The following TMC1 variants were observed in gnomAD, a reference collection of about 807,000 sequenced individuals.
The protein encoded by TMC1 is transmembrane channel like 1, also known as transmembrane channel-like protein 1.
In TMC1, 84 loss-of-function variants were observed where a neutral mutation model predicts 105.8. The observed-to-expected ratio is 0.79, with a 90% CI of 0.67 to 0.95. The LOEUF (loss-of-function observed/expected upper bound fraction) is 0.95, where lower values mean the gene tolerates loss of function less well. TMC1 is among the 40% of genes least tolerant of loss of function. The pLI is 0.00. For missense variants in TMC1, 817 were observed against 914.1 expected, an observed-to-expected ratio of 0.89 and a Z score of 1.37; for synonymous variants, 315 against 311.5, an observed-to-expected ratio of 1.01 and a Z score of -0.12.
At chr9:72,658,349 C>T (rs887956833) in intron 5 of TMC1, among the ~76,000 whole-genome samples, 7 of 149,146 alleles carry the variant, frequency 4.7e-5, no homozygotes, top group Non-Finnish European at 1.0e-4. Flanking sequence ...AAAAAAAAAA[C>T]TATGGTTGTT....
chr9:72,752,197 A>G (rs1827590921), intron 11 of TMC1, among the ~76,000 whole-genome samples: 1 of 152,132 alleles, frequency 6.6e-6, no homozygotes, highest in Non-Finnish European at 1.5e-5. Context: ...TGTATGTTTA[A>G]ATGTGTATTT....
intron 8 of TMC1, among the ~76,000 whole-genome samples, chr9:72,714,955 G>A (rs1221396220): frequency 6.6e-6 from 1 of 152,132 alleles, no homozygotes; most frequent in East Asian, 1.9e-4. Flanking sequence ...TGTAAGGCAG[G>A]CCTGGTGGTG....
chr9:72,623,799 T>C (rs1825297664), intron 3 of TMC1, among the ~76,000 whole-genome samples: 1 of 152,136 alleles, frequency 6.6e-6, no homozygotes, highest in African/African-American at 2.4e-5. Context: ...TTTAGGTGTT[T>C]CTAGGGTATA....
At chr9:72,568,086 T>A (rs969595225) in intron 1 of TMC1, among the ~76,000 whole-genome samples, 2 of 151,314 alleles carry the variant, frequency 1.3e-5, no homozygotes, top group Non-Finnish European at 2.9e-5. Context: ...TTTTTTTTTT[T>A]AGGATTTCTG....
chr9:72,814,080 G>C (rs2118276202), intron 18 of TMC1, among the ~76,000 whole-genome samples: 1 of 152,318 alleles, frequency 6.6e-6, no homozygotes, highest in African/African-American at 2.4e-5. Flanking sequence ...TTGTGAGAGA[G>C]TGAAGAAAAC....
chr9:72,566,397 C>T (rs1486941581), intron 1 of TMC1, among the ~76,000 whole-genome samples: 3 of 151,580 alleles, frequency 2.0e-5, no homozygotes, highest in Non-Finnish European at 4.4e-5. Context: ...GCTATCCCTG[C>T]CTTTTCAATA....
At chr9:72,612,756 G>A (rs1474430493) in intron 2 of TMC1, among the ~76,000 whole-genome samples, 1 of 152,128 alleles carries the variant, frequency 6.6e-6, no homozygotes, top group African/African-American at 2.4e-5. Context: ...GGATAATTTA[G>A]CTCCCTAAGG....
chr9:72,770,414 G>A (rs1429471916), intron 12 of TMC1, among the ~76,000 whole-genome samples: 1 of 131,460 alleles, frequency 7.6e-6, no homozygotes, highest in Non-Finnish European at 1.6e-5. Flanking sequence ...TATAAAATTT[G>A]TTGGGTTTTT....
At chr9:72,688,155 T>C (rs1406439722) in intron 5 of TMC1, among the ~76,000 whole-genome samples, 1 of 152,088 alleles carries the variant, frequency 6.6e-6, no homozygotes, top group African/African-American at 2.4e-5. Flanking sequence ...AATCACATAT[T>C]GGGAAATTTA....
intron 13 of TMC1, among the ~76,000 whole-genome samples, chr9:72,779,436 A>G (rs1043647920): frequency 2.6e-5 from 4 of 152,234 alleles, no homozygotes; most frequent in African/African-American, 9.6e-5. Context: ...AATGACAGAC[A>G]TAGAATTCAG....
intron 5 of TMC1, chr9:72,651,593 C>G (rs1198031227): frequency 5.9e-5 from 9 of 151,842 alleles, no homozygotes; most frequent in Admixed American, 1.3e-4. Flanking sequence ...CATGATGTCT[C>G]TGTCTGATAC....
At chr9:72,768,323 G>A (rs539752339) in intron 12 of TMC1, among the ~76,000 whole-genome samples, 28 of 152,092 alleles carry the variant, frequency 1.8e-4, no homozygotes, top group Non-Finnish European at 4.1e-4. Context: ...GGGCCTGTTG[G>A]GGGGTTGGGG....
chr9:72,625,916 A>G (rs1825339339), intron 3 of TMC1, among the ~76,000 whole-genome samples: 1 of 152,192 alleles, frequency 6.6e-6, no homozygotes, highest in Non-Finnish European at 1.5e-5. Flanking sequence ...ATGTCCAACA[A>G]GAGAATGACA....
At chr9:72,551,692 T>C (rs1823862507) in intron 1 of TMC1, among the ~76,000 whole-genome samples, 1 of 152,146 alleles carries the variant, frequency 6.6e-6, no homozygotes, top group South Asian at 2.1e-4. Flanking sequence ...AAAGTCCTAG[T>C]CTCCAGGACC....
At chr9:72,808,596 G>A (rs917572027) in intron 18 of TMC1, among the ~76,000 whole-genome samples, 1 of 152,200 alleles carries the variant, frequency 6.6e-6, no homozygotes, top group Non-Finnish European at 1.5e-5. Context: ...TGTGAGTCAC[G>A]TAGCAGGCAG....
intron 13 of TMC1, among the ~76,000 whole-genome samples, chr9:72,779,093 G>A (rs369787657): frequency 4.3e-4 from 65 of 152,288 alleles, no homozygotes; most frequent in African/African-American, 1.5e-3. Flanking sequence ...AGCACAGCAG[G>A]TGTTTAACCT....
chr9:72,664,891 T>A (rs1054852969), intron 5 of TMC1, among the ~76,000 whole-genome samples: 1 of 152,154 alleles, frequency 6.6e-6, no homozygotes, highest in Non-Finnish European at 1.5e-5. Flanking sequence ...AAGAGCACTG[T>A]AGCACACCCA....
At chr9:72,727,699 G>C (rs1244185247) in intron 8 of TMC1, among the ~76,000 whole-genome samples, 1 of 152,052 alleles carries the variant, frequency 6.6e-6, no homozygotes, top group Non-Finnish European at 1.5e-5. Context: ...TCATTTGTGT[G>C]TTTTAGGTCA....
intron 2 of TMC1, among the ~76,000 whole-genome samples, chr9:72,589,283 C>T (rs945870629): frequency 1.1e-4 from 16 of 152,238 alleles, no homozygotes; most frequent in African/African-American, 3.6e-4. Context: ...CCTCATGAAA[C>T]GTTTTGATCC....
Sources: gnomAD v4.1 joint callset for allele counts (sites outside exome capture counted in the v4.1 genomes callset) on GRCh38, gnomAD v4.1.1 for gene constraint, MANE v1.5 for transcripts, NCBI Gene and HGNC (gene_info 2026-07-23, HGNC 2026-07-21) for gene names.